Variants in HAUS6 observed in about 807,000 individuals in gnomAD.
The protein encoded by HAUS6 is HAUS augmin-like complex subunit 6.
In HAUS6, 80 loss-of-function variants were observed where a neutral mutation model predicts 106.8. That is an observed-to-expected ratio of 0.75 (90% CI 0.63 to 0.90). HAUS6 has a LOEUF of 0.90. Ranked by LOEUF, HAUS6 falls within the 40% of genes least tolerant of loss-of-function variation. The pLI, the probability that HAUS6 is intolerant of heterozygous loss-of-function variation, is 0.00. For missense variants in HAUS6, 1,155 were observed against 1,118.1 expected (o/e 1.03, Z -0.47); for synonymous variants, 356 against 379.1 (o/e 0.94, Z 0.71).
intron 1 of HAUS6, among the ~76,000 whole-genome samples, chr9:19,100,898 G>A (rs1817972688): frequency 6.6e-6 from 1 of 152,184 alleles, no homozygotes; most frequent in African/African-American, 2.4e-5. Context: ...CCTCATGGAG[G>A]TAGGGAGTAG....
At chr9:19,102,098 C>G (rs573718010) in intron 1 of HAUS6, among the ~76,000 whole-genome samples, 83 of 152,304 alleles carry the variant, frequency 5.4e-4, no homozygotes, top group African/African-American at 1.8e-3. Flanking sequence ...ACATGCCTTA[C>G]TAATTAAAAA....
intron 12 of HAUS6, among the ~76,000 whole-genome samples, chr9:19,069,429 C>G (rs1836839114): frequency 6.6e-6 from 1 of 152,200 alleles, no homozygotes; most frequent in South Asian, 2.1e-4. Context: ...TGGCTCACAT[C>G]TGTAATCACA....
At chr9:19,087,771 A>G (rs1817644334) in intron 5 of HAUS6, among the ~76,000 whole-genome samples, 1 of 139,576 alleles carries the variant, frequency 7.2e-6, no homozygotes, top group South Asian at 2.5e-4. Context: ...TGAGCCCAGG[A>G]GGTCAAGGCT....
At chr9:19,096,595 G>C (rs1409385979) in intron 2 of HAUS6, 79 bp downstream of exon 2, 6 of 483,322 alleles carry the variant, frequency 1.2e-5, no homozygotes, top group Non-Finnish European at 2.2e-5. Context: ...AAAAAGGAGA[G>C]AATTCTGGCT....
At chr9:19,091,378 G>C (rs1193041142) in intron 4 of HAUS6, among the ~76,000 whole-genome samples, 1 of 151,682 alleles carries the variant, frequency 6.6e-6, no homozygotes, top group Non-Finnish European at 1.5e-5. Context: ...AAGTTATCTA[G>C]ACTCTGAACA....
chr9:19,077,230 C>A (rs1188320235), intron 10 of HAUS6, among the ~76,000 whole-genome samples: 1 of 152,176 alleles, frequency 6.6e-6, no homozygotes, highest in African/African-American at 2.4e-5. Context: ...TAGTACCTCA[C>A]ATCAAGAGGA....
chr9:19,069,852 T>A (rs1055432223), intron 12 of HAUS6, among the ~76,000 whole-genome samples: 1 of 152,166 alleles, frequency 6.6e-6, no homozygotes, highest in Non-Finnish European at 1.5e-5. Context: ...TCCCAGCACT[T>A]TGGGAGGCCC....
At chr9:19,089,631 T>C in intron 4 of HAUS6, 72 bp from the exon 5 acceptor site, 2 of 1,132,340 alleles carry the variant, frequency 1.8e-6, no homozygotes, top group Admixed American at 2.4e-5. Context: ...AAATGAACAT[T>C]AGTGTCACTA....
chr9:19,101,424 G>C lies in HAUS6; in HGVS notation c.128+1100C>G, dbSNP rs562535840. ...GAGGATCGCCTGAGCCCAGGAGTTG[G>C]AGGCTGCAGTGAGCTGTGATCGCAC... is the stretch of plus-strand genomic sequence containing the variant. On this transcript the variant is annotated intron_variant, in intron 1 of 16. Coordinates refer to ENST00000380502, the MANE Select transcript of HAUS6 (RefSeq NM_017645.5). Among the ~76,000 whole-genome samples the C allele has an allele frequency of 1.2e-4, 18 of 152,230 alleles. No homozygotes were observed. In the South Asian group the frequency reaches 3.3e-3, roughly 28 times the overall value.
At chr9:19,061,254 T>C (rs958406900) in intron 14 of HAUS6, among the ~76,000 whole-genome samples, 3 of 152,174 alleles carry the variant, frequency 2.0e-5, no homozygotes, top group Non-Finnish European at 4.4e-5. Context: ...AGAGTGCTTC[T>C]GGGAATTAAA....
chr9:19,071,947 T>C (rs890549643), intron 11 of HAUS6, among the ~76,000 whole-genome samples: 14 of 151,844 alleles, frequency 9.2e-5, no homozygotes, highest in African/African-American at 3.4e-4. Context: ...CTCATGCCTG[T>C]AATCCCAACA....
chr9:19,082,968 G>A lies in HAUS6; in HGVS notation c.775C>T (p.Leu259Phe), dbSNP rs761600844. ...EKEREVVSSV[L>F]SLVNQYALDG... ...AAAGCATATTGGTTAACAAGACTAA[G>A]GACCGAACTAACAACTTCTCTCTCT... Residue 259 changes from leucine to phenylalanine, a missense_variant, in exon 8 of 17, where the codon CTT becomes TTT. Leu to Phe is a conservative substitution (Grantham distance 22). Transcript: ENST00000380502. 7.7e-6 allele frequency: 12 copies of A among 1,568,070 alleles called. No homozygotes were observed. The highest frequency in any genetic ancestry group is 1.0e-5 in the Non-Finnish European group (12 of 1,146,470).
At chr9:19,064,429 T>C (rs899818701) in intron 12 of HAUS6, among the ~76,000 whole-genome samples, 3 of 152,242 alleles carry the variant, frequency 2.0e-5, no homozygotes, top group African/African-American at 7.2e-5. Context: ...TCTTTTGTAT[T>C]CCCTTGCCCT....
intron 5 of HAUS6, among the ~76,000 whole-genome samples, chr9:19,088,500 AAAAT>A (rs1817675420): frequency 6.6e-6 from 1 of 152,192 alleles, no homozygotes; most frequent in African/African-American, 2.4e-5. Context: ...GATACGAAAT[AAAAT>A]AAACACTACA....
At position 19,056,750 on chromosome 9, in the gene HAUS6, G is replaced by A. The variant is rs141980180; in HGVS notation, c.2807-346C>T. 8.6e-3 allele frequency: 1,632 copies of A among 190,552 alleles called. 26 individuals are homozygous for A. Among genetic ancestry groups the A allele is most frequent in the African/African-American group, 0.036 (1,530 of 42,836 alleles). The allele number at this position is 190,552 out of a possible 1,614,324, so 11.8% of individuals were successfully genotyped here. The stretch of plus-strand genomic sequence containing the variant: ...TGTGTACCTGGGATCACAGGCATGC[G>A]CCAACGTGCCCAGCTAATTGTTTAA... On this transcript the variant is annotated intron_variant, in intron 16 of 16. Coordinates refer to ENST00000380502, the MANE Select transcript of HAUS6 (RefSeq NM_017645.5).
chr9:19,056,597 CTTTT>C, intron 16 of HAUS6, 193 bp from the exon 17 acceptor site: 3 of 415,922 alleles, frequency 7.2e-6, no homozygotes, highest in South Asian at 3.8e-5. Flanking sequence ...TCCCAGAGTA[CTTTT>C]TTTTTTTTCT....
chr9:19,089,852 A>G (rs1350088274), intron 4 of HAUS6, among the ~76,000 whole-genome samples: 1 of 152,186 alleles, frequency 6.6e-6, no homozygotes, highest in African/African-American at 2.4e-5. Context: ...TGTTTTTTTG[A>G]GACAGGGTCT....
intron 8 of HAUS6, among the ~76,000 whole-genome samples, chr9:19,082,196 T>C (rs953783369): frequency 6.6e-6 from 1 of 152,166 alleles, no homozygotes; most frequent in African/African-American, 2.4e-5. Context: ...AAGCAACACT[T>C]AACAGCATCA....
chr9:19,093,188 A>G lies in HAUS6; in HGVS notation c.419T>C (p.Ile140Thr), dbSNP rs1817791560. The change falls in exon 4 of 17, where the codon ATT becomes ACT. Residue 140 changes from isoleucine (I) to threonine (T), a missense_variant. By Grantham distance (89) the Ile-to-Thr change is moderately conservative. Transcript: ENST00000380502. Reference protein sequence around the residue: ...HFARFVAMKYIKSNSKNSSHH... With the variant: ...HFARFVAMKYTKSNSKNSSHH... ...GAACTTACTTTTAGAATTGGATTTA[A>G]TATATTTCATTGCAACAAATCTTGC... The G allele has an allele frequency of 6.3e-7, 1 of 1,581,842 alleles. No homozygotes were observed. Among genetic ancestry groups the G allele is most frequent in the Non-Finnish European group, 8.6e-7 (1 of 1,158,840 alleles).
Sources: allele counts gnomAD v4.1 joint callset (sites outside exome capture counted in the v4.1 genomes callset), GRCh38; gene constraint gnomAD v4.1.1; transcripts MANE v1.5; gene names NCBI Gene and HGNC (gene_info 2026-07-23, HGNC 2026-07-21).